WDPCP: variants seen among roughly 807,000 people sequenced by gnomAD.
The protein encoded by WDPCP is WD repeat-containing and planar cell polarity effector protein fritz homolog.
WDPCP carries 71 observed loss-of-function variants against 93.1 expected under a neutral mutation model. The ratio of observed to expected loss-of-function variants is 0.76; its 90% CI spans 0.63 to 0.93. WDPCP has a LOEUF of 0.93. Ranked by LOEUF, WDPCP falls within the 40% of genes least tolerant of loss-of-function variation. The pLI, the probability that WDPCP is intolerant of heterozygous loss-of-function variation, is 0.00. For synonymous variants in WDPCP, 315 were observed against 315.0 expected, an observed-to-expected ratio of 1.00 and a Z score of 0.00; for missense variants, 844 against 887.4, an observed-to-expected ratio of 0.95 and a Z score of 0.62.
intron 3 of WDPCP, among the ~76,000 whole-genome samples, chr2:63,618,927 G>A (rs1465643348): frequency 6.6e-6 from 1 of 152,108 alleles, no homozygotes; most frequent in Non-Finnish European, 1.5e-5. Context: ...GACCTCAAGT[G>A]ATTCGCCCGC....
chr2:63,369,914 A>G (rs1299321894), intron 12 of WDPCP, among the ~76,000 whole-genome samples: 2 of 152,162 alleles, frequency 1.3e-5, no homozygotes, highest in Non-Finnish European at 2.9e-5. Flanking sequence ...TGCTATTGCT[A>G]TATTTAGGAG....
chr2:63,419,535 G>A (rs2105338873), intron 9 of WDPCP, among the ~76,000 whole-genome samples: 1 of 152,256 alleles, frequency 6.6e-6, no homozygotes, highest in East Asian at 1.9e-4. Flanking sequence ...ATGCATCACT[G>A]AAATGATTCA....
rs1168978075 is a variant in WDPCP at position 63,706,611 on chromosome 2, T to C, written n.309-55773A>G. On this transcript the variant is annotated intron_variant and non_coding_transcript_variant, in intron 2 of 4. Coordinates refer to the WDPCP transcript ENST00000467687. Reference sequence around the variant, plus strand: ...TTGAAAATTCTTTTCTTTTTTTTTTTTTTTTTTTTTTTTTTTGAGACGGAG... The same window carrying C: ...TTGAAAATTCTTTTCTTTTTTTTTTCTTTTTTTTTTTTTTTTGAGACGGAG... 3.7e-5 allele frequency among the ~76,000 whole-genome samples: 5 copies of C among 134,192 alleles called. No homozygotes were observed. The East Asian group carries it at 6.2e-4, about 17-fold the overall frequency. The allele number at this position is 134,192 out of a possible 152,430, so 88.0% of individuals were successfully genotyped here.
intron 3 of WDPCP, among the ~76,000 whole-genome samples, chr2:63,608,532 AT>A (rs1467424156): frequency 6.6e-6 from 1 of 152,154 alleles, no homozygotes. Flanking sequence ...ATGCTCAAAT[AT>A]TTGTTGGTTG....
At chr2:63,743,388 A>G (rs1027495741) in intron 2 of WDPCP, among the ~76,000 whole-genome samples, 10 of 152,088 alleles carry the variant, frequency 6.6e-5, no homozygotes, top group African/African-American at 2.4e-4. Flanking sequence ...CTGCCAGGGA[A>G]AATGGAAGAA....
Position 63,809,579 on chromosome 2 carries a change from C to G in WDPCP, n.308+4043G>C, listed in dbSNP as rs564396319. Reference sequence around the variant, plus strand: ...TTGTTCTGTACCAAGAAAAATTCTTCTGCCTTGGGATCCTGTTGATCTGTG... The same window carrying G: ...TTGTTCTGTACCAAGAAAAATTCTTGTGCCTTGGGATCCTGTTGATCTGTG... On this transcript the variant is annotated intron_variant and non_coding_transcript_variant, in intron 2 of 4. Coordinates refer to the WDPCP transcript ENST00000467687. Among the ~76,000 whole-genome samples the G allele has an allele frequency of 2.2e-3, 336 of 152,312 alleles. 1 individual carries two copies. The highest frequency in any genetic ancestry group is 4.0e-3 in the East Asian group (21 of 5,188).
intron 9 of WDPCP, among the ~76,000 whole-genome samples, chr2:63,415,677 A>C (rs1410911851): frequency 6.6e-6 from 1 of 152,214 alleles, no homozygotes; most frequent in African/African-American, 2.4e-5. Context: ...ATAGGTAACT[A>C]ATAAGTTTAC....
intron 1 of WDPCP, among the ~76,000 whole-genome samples, chr2:63,551,647 T>C (rs892207523): frequency 5.3e-5 from 8 of 152,196 alleles, no homozygotes; most frequent in African/African-American, 1.9e-4. Context: ...GCAACATAAA[T>C]GGACTAATAC....
chr2:63,664,999 T>C (rs1380525849), intron 2 of WDPCP, among the ~76,000 whole-genome samples: 1 of 152,058 alleles, frequency 6.6e-6, no homozygotes, highest in Non-Finnish European at 1.5e-5. Flanking sequence ...AAACATACAT[T>C]TAGGGAGCAG....
intron 1 of WDPCP, among the ~76,000 whole-genome samples, chr2:63,496,095 C>T (rs1371207830): frequency 1.3e-5 from 2 of 152,124 alleles, no homozygotes; most frequent in Non-Finnish European, 2.9e-5. Flanking sequence ...AGTTTTTATT[C>T]AGATACCAGT....
chr2:63,840,131 A>G, the WDPCP span, among the ~76,000 whole-genome samples: 14 of 152,234 alleles, frequency 9.2e-5, no homozygotes, highest in African/African-American at 3.4e-4. Flanking sequence ...GGCGCTGGCA[A>G]ATCATCTGCC....
chr2:63,769,239 T>A (rs1443011632), intron 2 of WDPCP, among the ~76,000 whole-genome samples: 1 of 151,958 alleles, frequency 6.6e-6, no homozygotes, highest in African/African-American at 2.4e-5. Flanking sequence ...TAATGCATTA[T>A]GTAGGACAGA....
At chr2:63,510,967 C>T (rs1013521990) in intron 1 of WDPCP, among the ~76,000 whole-genome samples, 1 of 152,130 alleles carries the variant, frequency 6.6e-6, no homozygotes, top group Non-Finnish European at 1.5e-5. Flanking sequence ...CAGAGCAAGA[C>T]ACCGTCTCAA....
At chr2:63,732,406 G>T (rs1308900864) in intron 2 of WDPCP, among the ~76,000 whole-genome samples, 2 of 152,196 alleles carry the variant, frequency 1.3e-5, no homozygotes, top group Non-Finnish European at 2.9e-5. Context: ...ACAAAAAAAG[G>T]TGATTTGTAA....
intron 14 of WDPCP, among the ~76,000 whole-genome samples, chr2:63,203,379 T>G (rs1676076082): frequency 6.6e-6 from 1 of 152,202 alleles, no homozygotes; most frequent in Non-Finnish European, 1.5e-5. Flanking sequence ...AAAGTCACCC[T>G]GCTGTGCTGT....
intron 14 of WDPCP, among the ~76,000 whole-genome samples, chr2:63,258,461 T>C (rs1291948134): frequency 6.6e-6 from 1 of 152,152 alleles, no homozygotes; most frequent in Non-Finnish European, 1.5e-5. Context: ...ATTGGTCCCT[T>C]TGGCTGCAAA....
chr2:63,127,071 G>C (rs529630684), intron 17 of WDPCP, among the ~76,000 whole-genome samples: 1 of 150,644 alleles, frequency 6.6e-6, no homozygotes, highest in South Asian at 2.1e-4. Flanking sequence ...AAATCTTTCA[G>C]AAAGTAAATA....
chr2:63,451,120 T>G (rs1398688475), intron 6 of WDPCP, among the ~76,000 whole-genome samples: 1 of 151,714 alleles, frequency 6.6e-6, no homozygotes, highest in East Asian at 1.9e-4. Context: ...ATTCAAGATA[T>G]GAACGAGAAA....
At chr2:63,428,693 A>T (rs1294439995) in intron 9 of WDPCP, among the ~76,000 whole-genome samples, 3 of 151,906 alleles carry the variant, frequency 2.0e-5, no homozygotes, top group Non-Finnish European at 2.9e-5. Flanking sequence ...TACTCTCACC[A>T]CTCCTGTTCA....
Sources: gnomAD v4.1 joint callset for allele counts (sites outside exome capture counted in the v4.1 genomes callset) on GRCh38, gnomAD v4.1.1 for gene constraint, MANE v1.5 for transcripts, NCBI Gene and HGNC (gene_info 2026-07-23, HGNC 2026-07-21) for gene names.